The following PCBD2 variants were observed in gnomAD, a reference collection of about 807,000 sequenced individuals.
The protein encoded by PCBD2 is pterin-4 alpha-carbinolamine dehydratase 2.
A neutral mutation model predicts 16.4 loss-of-function variants in PCBD2; 12 were observed. The ratio of observed to expected loss-of-function variants is 0.73; its 90% CI spans 0.47 to 1.19. The LOEUF (loss-of-function observed/expected upper bound fraction) is 1.19. PCBD2 is among the 50% of genes most tolerant of loss of function. The pLI is 0.00. For synonymous variants in PCBD2, 58 were observed against 61.8 expected (o/e 0.94, Z 0.29); for missense variants, 138 against 156.8 (o/e 0.88, Z 0.64).
chr5:134,937,744 T>C (rs1202304555), intron 2 of PCBD2, among the ~76,000 whole-genome samples: 1 of 152,228 alleles, frequency 6.6e-6, no homozygotes, highest in Non-Finnish European at 1.5e-5. Flanking sequence ...GGGCCCACTT[T>C]GGCTGCAATT....
chr5:134,959,230 T>G, intron 3 of PCBD2, 110 bp downstream of exon 3: 1 of 772,842 alleles, frequency 1.3e-6, no homozygotes, highest in Non-Finnish European at 2.0e-6. Context: ...GAAAGTCTTA[T>G]CCTTTCTCTC....
At position 134,952,533 on chromosome 5, in the gene PCBD2, C is replaced by A. The variant is rs115210968; in HGVS notation, c.217-6507C>A. Among the ~76,000 whole-genome samples, 546 of 152,286 alleles carry A rather than the reference C, an allele frequency of 3.6e-3. 3 individuals carry two copies. Among genetic ancestry groups the A allele is most frequent in the African/African-American group, 0.012 (505 of 41,556 alleles). On this transcript the variant is annotated intron_variant, in intron 2 of 3. Transcript: ENST00000254908. ...GTAAGTTAGGCTAAGTGCAGTGGCG[C>A]ATGCCTGTAATCCTGCCACTTACAG...
rs147567308 is a variant in PCBD2 at position 134,918,915 on chromosome 5, G to A, written c.216+8449G>A. On this transcript the variant is annotated intron_variant, in intron 2 of 3. Coordinates refer to ENST00000254908, the MANE Select transcript of PCBD2 (RefSeq NM_032151.5). ...TGTTATCATTTGGAGCTTTGTTGCT[G>A]CTGATTGTGTCGTACAGTAGGTCTA... Among the ~76,000 whole-genome samples the A allele has an allele frequency of 3.3e-5, 5 of 152,326 alleles. No individual in the cohort carries two copies. The East Asian group carries it at 9.6e-4, about 29-fold the overall frequency.
At chr5:134,911,913 G>A (rs1329003643) in intron 2 of PCBD2, among the ~76,000 whole-genome samples, 2 of 152,196 alleles carry the variant, frequency 1.3e-5, no homozygotes, top group South Asian at 2.1e-4. Flanking sequence ...TAAGCTCTAG[G>A]TAGCATTTTC....
At chr5:134,948,107 T>C (rs1330028817) in intron 2 of PCBD2, among the ~76,000 whole-genome samples, 3 of 152,164 alleles carry the variant, frequency 2.0e-5, no homozygotes, top group Non-Finnish European at 2.9e-5. Flanking sequence ...AGTGCTTCTG[T>C]TTGCTTTAGG....
At chr5:134,942,426 G>C (rs1005695716) in intron 2 of PCBD2, among the ~76,000 whole-genome samples, 1 of 152,050 alleles carries the variant, frequency 6.6e-6, no homozygotes, top group Non-Finnish European at 1.5e-5. Flanking sequence ...ACCTGGTCCA[G>C]AGTAGTTATT....
chr5:134,960,426 G>A (rs953755337), intron 3 of PCBD2, among the ~76,000 whole-genome samples, 160 bp from the exon 4 acceptor site: 2 of 152,082 alleles, frequency 1.3e-5, no homozygotes, highest in African/African-American at 4.8e-5. Context: ...CTGGGTTTTG[G>A]AAATGTTTTG....
intron 2 of PCBD2, chr5:134,925,057 A>T: frequency 2.5e-6 from 1 of 395,626 alleles, no homozygotes; most frequent in Non-Finnish European, 4.5e-6. Flanking sequence ...GCTGTTGGTG[A>T]TGAGAAACCC....
rs547713495 is a variant in PCBD2, at chr5:134,941,950, C to T, written c.217-17090C>T. Among the ~76,000 whole-genome samples the T allele has an allele frequency of 3.1e-3, 459 of 150,164 alleles. 5 individuals carry two copies. Among genetic ancestry groups the T allele is most frequent in the Non-Finnish European group, 5.2e-3 (352 of 67,536 alleles). On this transcript the variant is annotated intron_variant, in intron 2 of 3. Coordinates refer to ENST00000254908, the MANE Select transcript of PCBD2 (RefSeq NM_032151.5). ...TGGCTAACACGGTGAAAGCCCGTCT[C>T]TACTAAAAAAGTACCAAAAAAAAAA... is the stretch of plus-strand genomic sequence containing the variant.
chr5:134,905,310 C>G, intron 1 of PCBD2, 87 bp downstream of exon 1: 1 of 1,130,834 alleles, frequency 8.8e-7, no homozygotes. Flanking sequence ...ACCAGCGGGA[C>G]TGGGGCGAAC....
chr5:134,937,276 G>C (rs1007686775), intron 2 of PCBD2, among the ~76,000 whole-genome samples: 1 of 152,138 alleles, frequency 6.6e-6, no homozygotes, highest in African/African-American at 2.4e-5. Context: ...TGGATGAACA[G>C]ATATATCCAT....
intron 2 of PCBD2, among the ~76,000 whole-genome samples, chr5:134,946,846 T>C (rs892562319): frequency 6.6e-6 from 1 of 152,348 alleles, no homozygotes; most frequent in East Asian, 1.9e-4. Flanking sequence ...TTGGTTGTTA[T>C]TGTAGCATCT....
At chr5:134,905,547 C>T (rs955370421) in intron 1 of PCBD2, 1 of 237,238 alleles carries the variant, frequency 4.2e-6, no homozygotes. Flanking sequence ...CAGAACAATT[C>T]GGTGCCCGCT....
chr5:134,959,103 T>G lies in PCBD2; in HGVS notation c.280T>G (p.Phe94Val). The G allele has an allele frequency of 6.2e-7, 1 of 1,613,658 alleles. No individual in the cohort carries two copies. Among genetic ancestry groups the G allele is most frequent in the Admixed American group, 1.7e-5 (1 of 60,002 alleles). ...GAAGATGAATCATCACCCAGAATGGTTCAATGTATACAACAAGGTAACTAA... is the reference window on the plus strand; with the variant it reads ...GAAGATGAATCATCACCCAGAATGGGTCAATGTATACAACAAGGTAACTAA... ...AEKMNHHPEW[F>V]NVYNKVQITL... The change falls in exon 3 of 4, where the codon TTC (phenylalanine) becomes GTC (valine). Residue 94 changes from phenylalanine to valine, a missense_variant. Coordinates refer to ENST00000254908, the MANE Select transcript of PCBD2 (RefSeq NM_032151.5).
At chr5:134,926,331 G>T (rs778643969) in intron 2 of PCBD2, 3 of 366,872 alleles carry the variant, frequency 8.2e-6, no homozygotes, top group Non-Finnish European at 1.5e-5. Context: ...TAATAACAAG[G>T]GTGGATGCGA....
chr5:134,935,987 C>A (rs78857237), intron 2 of PCBD2, among the ~76,000 whole-genome samples: 1 of 152,000 alleles, frequency 6.6e-6, no homozygotes, highest in South Asian at 2.1e-4. Flanking sequence ...GGAAGTGGAA[C>A]GGCAGCCAAG....
intron 1 of PCBD2, among the ~76,000 whole-genome samples, chr5:134,909,364 C>T (rs1750736969): frequency 6.6e-6 from 1 of 152,228 alleles, no homozygotes; most frequent in Admixed American, 6.5e-5. Flanking sequence ...TAGATAAAAT[C>T]CTATGTAAAT....
At position 134,910,488 on chromosome 5, in the gene PCBD2, T is replaced by G. The variant is rs776765620; in HGVS notation, c.216+22T>G. ...TCAGGTAATTGTTATAAATTCTTGC[T>G]AGGGCTGTGGTCTATTTTAGTCACC... On this transcript the variant is annotated intron_variant, in intron 2 of 3. Coordinates refer to ENST00000254908, the MANE Select transcript of PCBD2 (RefSeq NM_032151.5). 2.5e-6 allele frequency: 4 copies of G among 1,613,038 alleles called. No homozygotes were observed. In the East Asian group the frequency reaches 8.9e-5, roughly 36 times the overall value.
chr5:134,934,271 T>A (rs1751132190), intron 2 of PCBD2, among the ~76,000 whole-genome samples: 1 of 151,694 alleles, frequency 6.6e-6, no homozygotes, highest in African/African-American at 2.4e-5. Flanking sequence ...TTATAATGAT[T>A]TTAAAAAAAA....
Sources: allele counts gnomAD v4.1 joint callset (sites outside exome capture counted in the v4.1 genomes callset), GRCh38; gene constraint gnomAD v4.1.1; transcripts MANE v1.5; gene names NCBI Gene and HGNC (gene_info 2026-07-23, HGNC 2026-07-21).